THADA: variants seen among roughly 807,000 people sequenced by gnomAD.
The protein encoded by THADA is THADA armadillo repeat containing, also known as tRNA (32-2'-O)-methyltransferase regulator THADA.
In THADA, 213 loss-of-function variants were observed where a neutral mutation model predicts 219.8. That is an observed-to-expected ratio of 0.97 (90% CI 0.87 to 1.09). The LOEUF (loss-of-function observed/expected upper bound fraction) is 1.09, where lower values mean the gene tolerates loss of function less well. Ranked by LOEUF, THADA falls within the 50% of genes least tolerant of loss-of-function variation. The probability of loss-of-function intolerance (pLI) is 0.00; values close to 1 mark genes in which losing one functional copy is unlikely to be tolerated. For synonymous variants in THADA, 1,018 were observed against 828.9 expected, an observed-to-expected ratio of 1.23 and a Z score of -3.92; for missense variants, 2,956 against 2,311.3, an observed-to-expected ratio of 1.28 and a Z score of -5.72.
intron 26 of THADA, among the ~76,000 whole-genome samples, chr2:43,441,894 T>C (rs527665610): frequency 6.6e-6 from 1 of 152,282 alleles, no homozygotes; most frequent in South Asian, 2.1e-4. Context: ...AAGTAGCAAA[T>C]ATTTTTTTAA....
At position 43,595,956 on chromosome 2, in the gene THADA, A is replaced by G. The variant is rs138941176; in HGVS notation, c.-50T>C. 2 of 152,434 alleles carry G rather than the reference A, an allele frequency of 1.3e-5. No homozygotes were observed. The highest frequency in any genetic ancestry group is 2.9e-5 in the Non-Finnish European group (2 of 68,040). The allele number at this position is 152,434 out of a possible 1,614,324, so 9.4% of individuals were successfully genotyped here. On this transcript the variant is annotated 5_prime_UTR_variant, in exon 1 of 38. Transcript: ENST00000405975. Reference sequence around the variant, plus strand: ...CTCGTGCACGTCGGCGTCTGAGAAGAGTCGCAGGCGCCTGGTCCAGTCCCG... The same window carrying G: ...CTCGTGCACGTCGGCGTCTGAGAAGGGTCGCAGGCGCCTGGTCCAGTCCCG...
intron 25 of THADA, among the ~76,000 whole-genome samples, chr2:43,486,235 A>C (rs1686904776): frequency 6.6e-6 from 1 of 152,250 alleles, no homozygotes; most frequent in Non-Finnish European, 1.5e-5. Context: ...TTAACTGATA[A>C]CATTAGTAAA....
chr2:43,236,171 G>C (rs1358014142), intron 36 of THADA, among the ~76,000 whole-genome samples: 2 of 152,194 alleles, frequency 1.3e-5, no homozygotes, highest in Non-Finnish European at 2.9e-5. Flanking sequence ...CGGGATGACA[G>C]GCAAAAGGGA....
Position 43,554,869 on chromosome 2 carries a change from G to A in THADA, c.2674+1476C>T, listed in dbSNP as rs141234014. Among the ~76,000 whole-genome samples, 601 of 152,172 alleles carry A rather than the reference G, an allele frequency of 3.9e-3. 6 individuals are homozygous for A. The highest frequency in any genetic ancestry group is 0.013 in the African/African-American group (559 of 41,512). ...ATCTGAAATGCTTGGGACCATAAGC[G>A]TTTCAGATTTTATATTTTTTCAGAT... On this transcript the variant is annotated intron_variant, in intron 17 of 37. Coordinates refer to ENST00000405975, the MANE Select transcript of THADA (RefSeq NM_022065.5).
chr2:43,534,952 A>G lies in THADA; in HGVS notation c.3264+6207T>C, dbSNP rs1417350188. Among the ~76,000 whole-genome samples, 3 of 151,882 alleles carry G rather than the reference A, an allele frequency of 2.0e-5. No individual in the cohort carries two copies. In the East Asian group the frequency reaches 5.8e-4, roughly 29 times the overall value. On this transcript the variant is annotated intron_variant, in intron 21 of 37. Coordinates refer to ENST00000405975, the MANE Select transcript of THADA (RefSeq NM_022065.5). Reference sequence around the variant, plus strand: ...CTCCACAGTAGCTATACTAGTTTACACTCCCACCAATAGGGTGTAAGAGTT... The same window carrying G: ...CTCCACAGTAGCTATACTAGTTTACGCTCCCACCAATAGGGTGTAAGAGTT...
chr2:43,336,351 A>C (rs1666433895), intron 30 of THADA, among the ~76,000 whole-genome samples: 1 of 151,952 alleles, frequency 6.6e-6, no homozygotes, highest in Admixed American at 6.5e-5. Flanking sequence ...GGCTCACCGT[A>C]AACTCCGCCT....
intron 22 of THADA, among the ~76,000 whole-genome samples, chr2:43,523,845 T>C (rs1420872604): frequency 6.6e-6 from 1 of 152,168 alleles, no homozygotes; most frequent in Non-Finnish European, 1.5e-5. Context: ...CACTAATAAA[T>C]CTCCCTTCTA....
intron 28 of THADA, among the ~76,000 whole-genome samples, chr2:43,406,796 T>C (rs1675586677): frequency 1.3e-5 from 2 of 152,140 alleles, no homozygotes; most frequent in Admixed American, 1.3e-4. Flanking sequence ...GGTCTACTGT[T>C]CTCCTCATGC....
intron 19 of THADA, 71 bp downstream of exon 19, chr2:43,551,718 G>T: frequency 8.5e-7 from 1 of 1,172,490 alleles, no homozygotes; most frequent in South Asian, 2.2e-5. Context: ...AATACTTGGG[G>T]AAAAAAAAAA....
intron 29 of THADA, among the ~76,000 whole-genome samples, chr2:43,361,567 T>G (rs1337186282): frequency 6.6e-6 from 1 of 152,218 alleles, no homozygotes; most frequent in Non-Finnish European, 1.5e-5. Flanking sequence ...TGCTTCCTGC[T>G]TATGTTCTTT....
chr2:43,402,277 C>G (rs536814011), intron 28 of THADA, among the ~76,000 whole-genome samples: 86 of 152,226 alleles, frequency 5.6e-4, no homozygotes, highest in African/African-American at 1.8e-3. Flanking sequence ...TCGGTGGTAC[C>G]CATGCAGACA....
intron 36 of THADA, among the ~76,000 whole-genome samples, chr2:43,268,664 G>A (rs1671797647): frequency 6.6e-6 from 1 of 152,204 alleles, no homozygotes; most frequent in South Asian, 2.1e-4. Context: ...CAGCAGGATG[G>A]TGAGGGAGGG....
At chr2:43,461,243 T>G (rs1009493167) in intron 26 of THADA, among the ~76,000 whole-genome samples, 3 of 152,158 alleles carry the variant, frequency 2.0e-5, no homozygotes, top group African/African-American at 7.2e-5. Context: ...ACACAAAATA[T>G]TAAAGAGAGA....
chr2:43,568,097 C>G (rs536239252), intron 14 of THADA, among the ~76,000 whole-genome samples: 1 of 152,288 alleles, frequency 6.6e-6, no homozygotes, highest in South Asian at 2.1e-4. Flanking sequence ...GACTCTACCA[C>G]TTACTAGCTG....
At chr2:43,306,160 G>A (rs1389452242) in intron 31 of THADA, among the ~76,000 whole-genome samples, 1 of 152,036 alleles carries the variant, frequency 6.6e-6, no homozygotes, top group Non-Finnish European at 1.5e-5. Context: ...ACAGGCACGA[G>A]CCCCCATGCC....
intron 7 of THADA, among the ~76,000 whole-genome samples, chr2:43,585,098 C>T (rs1157579674): frequency 6.6e-6 from 1 of 152,004 alleles, no homozygotes; most frequent in East Asian, 1.9e-4. Context: ...TTTAGGTTTC[C>T]CCAAGGAAGA....
intron 24 of THADA, among the ~76,000 whole-genome samples, chr2:43,504,058 T>C (rs1689351205): frequency 6.6e-6 from 1 of 151,728 alleles, no homozygotes; most frequent in South Asian, 2.1e-4. Flanking sequence ...ATAATGCAAA[T>C]ATGCCAAAAT....
chr2:43,584,252 T>C (rs1700775705), intron 7 of THADA, among the ~76,000 whole-genome samples: 1 of 152,006 alleles, frequency 6.6e-6, no homozygotes, highest in Non-Finnish European at 1.5e-5. Flanking sequence ...CTGTAAAACA[T>C]CCAAGCTGAG....
chr2:43,311,926 T>C (rs942982108), intron 31 of THADA, among the ~76,000 whole-genome samples: 1 of 152,256 alleles, frequency 6.6e-6, no homozygotes, highest in African/African-American at 2.4e-5. Context: ...TGGCCGGTCA[T>C]GGTGGCTCAT....
Sources: gnomAD v4.1 joint callset for allele counts (sites outside exome capture counted in the v4.1 genomes callset) on GRCh38, gnomAD v4.1.1 for gene constraint, MANE v1.5 for transcripts, NCBI Gene and HGNC (gene_info 2026-07-23, HGNC 2026-07-21) for gene names.